The following UBE2E2 variants were observed in gnomAD, a reference collection of about 807,000 sequenced individuals.
UBE2E2 encodes ubiquitin-conjugating enzyme E2 E2.
In UBE2E2, 6 loss-of-function variants were observed where a neutral mutation model predicts 24.7. That is an observed-to-expected ratio of 0.24 (90% CI 0.13 to 0.48). The LOEUF (loss-of-function observed/expected upper bound fraction) is 0.48, where lower values mean the gene tolerates loss of function less well. UBE2E2 is among the 20% of genes least tolerant of loss of function. The pLI is 0.99. For synonymous variants in UBE2E2, 104 were observed against 83.6 expected, an observed-to-expected ratio of 1.24 and a Z score of -1.33; for missense variants, 169 against 245.0, an observed-to-expected ratio of 0.69 and a Z score of 2.07.
intron 3 of UBE2E2, among the ~76,000 whole-genome samples, chr3:23,291,069 T>TAAAAAA (rs35305944): frequency 8.0e-6 from 1 of 125,546 alleles, no homozygotes; most frequent in Non-Finnish European, 1.6e-5. Flanking sequence ...ACCCTGTCTT[T>TAAAAAA]AAAAAAAAAA....
intron 3 of UBE2E2, among the ~76,000 whole-genome samples, chr3:23,409,005 TTATTAATGA>T (rs1697435067): frequency 7.0e-6 from 1 of 143,562 alleles, no homozygotes; most frequent in Admixed American, 7.3e-5. Flanking sequence ...CCAAAGCAGA[TTATTAATGA>T]TTATTACACC....
intron 5 of UBE2E2, among the ~76,000 whole-genome samples, chr3:23,553,730 A>T (rs994213374): frequency 6.6e-6 from 1 of 152,186 alleles, no homozygotes; most frequent in African/African-American, 2.4e-5. Context: ...TAGATAGAAA[A>T]GTCCATGGCA....
chr3:23,291,066 C>CT (rs745393644), intron 3 of UBE2E2, among the ~76,000 whole-genome samples: 1 of 42,380 alleles, frequency 2.4e-5, no homozygotes, highest in Non-Finnish European at 4.1e-5. Context: ...AAGACCCTGT[C>CT]TTTAAAAAAA....
At chr3:23,333,327 A>C (rs1263881196) in intron 3 of UBE2E2, among the ~76,000 whole-genome samples, 2 of 152,240 alleles carry the variant, frequency 1.3e-5, no homozygotes, top group Non-Finnish European at 2.9e-5. Context: ...GAAGGCTATA[A>C]AAGACTGAGA....
chr3:23,500,236 A>G (rs983834284), intron 4 of UBE2E2, among the ~76,000 whole-genome samples: 1 of 152,236 alleles, frequency 6.6e-6, no homozygotes, highest in Admixed American at 6.5e-5. Context: ...CACATGGACT[A>G]GTATGGAAAG....
At chr3:23,434,625 G>T (rs993793826) in intron 3 of UBE2E2, among the ~76,000 whole-genome samples, 1 of 152,042 alleles carries the variant, frequency 6.6e-6, no homozygotes, top group African/African-American at 2.4e-5. Context: ...CTCTGTAAAT[G>T]TACAAATATG....
intron 5 of UBE2E2, among the ~76,000 whole-genome samples, chr3:23,584,920 A>G (rs1476950444): frequency 1.3e-5 from 2 of 151,976 alleles, no homozygotes; most frequent in African/African-American, 4.8e-5. Context: ...TTGTTAGTTG[A>G]CAGGTATGTA....
intron 3 of UBE2E2, among the ~76,000 whole-genome samples, chr3:23,404,542 GCTGA>G: frequency 6.6e-6 from 1 of 152,166 alleles, no homozygotes; most frequent in East Asian, 1.9e-4. Context: ...ATATCACTTG[GCTGA>G]CTATTAGGAA....
At position 23,216,112 on chromosome 3, in the gene UBE2E2, T is replaced by G. The variant is rs575614023; in HGVS notation, c.177-1150T>G. Among the ~76,000 whole-genome samples the G allele has an allele frequency of 3.3e-5, 5 of 152,200 alleles. No individual in the cohort carries two copies. In the East Asian group the frequency reaches 9.7e-4, roughly 29 times the overall value. ...CAGTATTCTTGCTCAGGGACTCAAT[T>G]TAATGGCCTAGCAGAATTACAATGA... On this transcript the variant is annotated intron_variant, in intron 2 of 5. Transcript: ENST00000396703.
At chr3:23,306,301 A>G (rs1699234954) in intron 3 of UBE2E2, among the ~76,000 whole-genome samples, 1 of 152,196 alleles carries the variant, frequency 6.6e-6, no homozygotes, top group African/African-American at 2.4e-5. Context: ...TAAATTTGGT[A>G]TGTATGTCCA....
intron 3 of UBE2E2, among the ~76,000 whole-genome samples, chr3:23,263,856 C>T (rs906802592): frequency 1.2e-4 from 18 of 151,968 alleles, no homozygotes; most frequent in African/African-American, 3.6e-4. Flanking sequence ...AAAATTTTGG[C>T]GAAACTGCAT....
intron 4 of UBE2E2, among the ~76,000 whole-genome samples, chr3:23,510,645 G>C (rs1694575025): frequency 6.6e-6 from 1 of 152,072 alleles, no homozygotes; most frequent in African/African-American, 2.4e-5. Context: ...TCTAGGATCA[G>C]ACAAAGTTAT....
chr3:23,249,657 T>TG (rs2125344431), intron 3 of UBE2E2, among the ~76,000 whole-genome samples: 1 of 152,030 alleles, frequency 6.6e-6, no homozygotes, highest in African/African-American at 2.4e-5. Context: ...ACTCAGATTT[T>TG]TTTTTTTTTA....
chr3:23,205,213 A>G (rs974425883), intron 1 of UBE2E2, among the ~76,000 whole-genome samples: 1 of 152,200 alleles, frequency 6.6e-6, no homozygotes, highest in African/African-American at 2.4e-5. Context: ...TTATGAAGTA[A>G]GCGTATTTAT....
intron 3 of UBE2E2, among the ~76,000 whole-genome samples, chr3:23,342,650 ATATT>A (rs1310957384): frequency 6.6e-6 from 1 of 152,168 alleles, no homozygotes; most frequent in African/African-American, 2.4e-5. Context: ...TCGTATGTGT[ATATT>A]TAAACATTCC....
intron 3 of UBE2E2, among the ~76,000 whole-genome samples, chr3:23,424,419 T>A (rs1007943228): frequency 4.0e-5 from 6 of 150,702 alleles, no homozygotes; most frequent in African/African-American, 1.5e-4. Context: ...GAGCACATAT[T>A]AACTGACTTA....
intron 3 of UBE2E2, among the ~76,000 whole-genome samples, chr3:23,240,842 AATGATGG>A (rs1407771252): frequency 2.6e-5 from 4 of 152,218 alleles, no homozygotes; most frequent in Non-Finnish European, 5.9e-5. Context: ...TGTGACCTTT[AATGATGG>A]AGCATTTCAT....
chr3:23,377,511 A>T (rs907548103), intron 3 of UBE2E2, among the ~76,000 whole-genome samples: 6 of 152,210 alleles, frequency 3.9e-5, no homozygotes, highest in Admixed American at 1.3e-4. Flanking sequence ...GCCAGGCCAG[A>T]ATGATGGTTT....
At chr3:23,271,785 A>G (rs569471450) in intron 3 of UBE2E2, among the ~76,000 whole-genome samples, 2 of 152,160 alleles carry the variant, frequency 1.3e-5, no homozygotes, top group African/African-American at 4.8e-5. Flanking sequence ...TGTATTTACA[A>G]TCCTTTAGCT....
Sources: allele counts gnomAD v4.1 joint callset (sites outside exome capture counted in the v4.1 genomes callset), GRCh38; gene constraint gnomAD v4.1.1; transcripts MANE v1.5; gene names NCBI Gene and HGNC (gene_info 2026-07-23, HGNC 2026-07-21).